The following NYAP2 variants were observed in gnomAD, a reference collection of about 807,000 sequenced individuals.
The protein encoded by NYAP2 is neuronal tyrosine-phosphorylated phosphoinositide-3-kinase adaptor 2, also known as neuronal tyrosine-phosphorylated phosphoinositide-3-kinase adapter 2.
A neutral mutation model predicts 50.4 loss-of-function variants in NYAP2; 23 were observed. That is an observed-to-expected ratio of 0.46 (90% CI 0.33 to 0.65). The LOEUF is 0.65. Among genes scored for constraint, NYAP2 ranks in the 30% least tolerant of loss-of-function variants. NYAP2 has a pLI of 0.02. For missense variants in NYAP2, 885 were observed against 861.0 expected, an observed-to-expected ratio of 1.03 and a Z score of -0.35; for synonymous variants, 394 against 365.2, an observed-to-expected ratio of 1.08 and a Z score of -0.90.
At chr2:225,688,915 G>C in the NYAP2 span, among the ~76,000 whole-genome samples, 1 of 152,010 alleles carries the variant, frequency 6.6e-6, no homozygotes, top group African/African-American at 2.4e-5. Flanking sequence ...GCTAATTTTT[G>C]TATTTTTAGC....
chr2:225,637,451 G>A (rs574840559), intron 6 of NYAP2, among the ~76,000 whole-genome samples: 15 of 152,188 alleles, frequency 9.9e-5, no homozygotes, highest in Non-Finnish European at 2.2e-4. Context: ...TGTGCAGTCA[G>A]ATCATGCATC....
intron 3 of NYAP2, among the ~76,000 whole-genome samples, chr2:225,504,118 C>T (rs941181930): frequency 6.6e-6 from 1 of 152,102 alleles, no homozygotes; most frequent in African/African-American, 2.4e-5. Context: ...AGCCTCCTGT[C>T]ATAGTACACT....
At chr2:225,664,684 C>T in the NYAP2 span, among the ~76,000 whole-genome samples, 6 of 151,544 alleles carry the variant, frequency 4.0e-5, no homozygotes, top group South Asian at 2.1e-4. Flanking sequence ...ATCATCCTGG[C>T]GAACATGGTG....
chr2:225,442,090 A>G (rs1456217334), intron 3 of NYAP2, among the ~76,000 whole-genome samples: 1 of 152,224 alleles, frequency 6.6e-6, no homozygotes, highest in Non-Finnish European at 1.5e-5. Context: ...TATTATATTA[A>G]CATTCAATTT....
chr2:225,609,203 TATA>T (rs1214454158), intron 5 of NYAP2, among the ~76,000 whole-genome samples: 1 of 152,088 alleles, frequency 6.6e-6, no homozygotes, highest in Non-Finnish European at 1.5e-5. Context: ...TTATAGGTAT[TATA>T]ATACTTGTAA....
At chr2:225,618,615 T>G (rs1358389969) in intron 5 of NYAP2, among the ~76,000 whole-genome samples, 3 of 152,170 alleles carry the variant, frequency 2.0e-5, no homozygotes, top group African/African-American at 7.2e-5. Flanking sequence ...CAGTTCATCA[T>G]TTTGCTTTGG....
chr2:225,554,566 C>T lies in NYAP2; in HGVS notation c.524-27375C>T, dbSNP rs1457546528. 2.6e-5 allele frequency among the ~76,000 whole-genome samples: 4 copies of T among 151,988 alleles called. No homozygotes were observed. In the East Asian group the frequency reaches 5.8e-4, roughly 22 times the overall value. On this transcript the variant is annotated intron_variant, in intron 4 of 6. Coordinates refer to ENST00000636099, the Ensembl canonical transcript of NYAP2. ...CTTGATCTCCTGACCTCATGATCTG[C>T]CTGTCTCAGCCTCCCAAAGTGCTGG...
chr2:225,680,564 A>G, the NYAP2 span, among the ~76,000 whole-genome samples: 1 of 152,198 alleles, frequency 6.6e-6, no homozygotes, highest in South Asian at 2.1e-4. Context: ...TGCAACTTAT[A>G]TAACTTTATT....
At chr2:225,477,187 T>G (rs1228205637) in intron 3 of NYAP2, among the ~76,000 whole-genome samples, 1 of 151,460 alleles carries the variant, frequency 6.6e-6, no homozygotes, top group African/African-American at 2.4e-5. Flanking sequence ...GGGCATCTTG[T>G]TAAAAGGCAG....
intron 3 of NYAP2, among the ~76,000 whole-genome samples, chr2:225,460,205 G>T (rs1689806349): frequency 6.6e-6 from 1 of 152,044 alleles, no homozygotes; most frequent in African/African-American, 2.4e-5. Flanking sequence ...ATTTCAAGAG[G>T]CTACCAGTCC....
At chr2:225,462,786 T>G (rs994838367) in intron 3 of NYAP2, among the ~76,000 whole-genome samples, 7 of 147,248 alleles carry the variant, frequency 4.8e-5, no homozygotes, top group African/African-American at 1.9e-4. Context: ...TAGCTTCAGT[T>G]GGTCCATTAA....
At chr2:225,606,480 G>T (rs959437) in intron 5 of NYAP2, among the ~76,000 whole-genome samples, 77,675 of 151,970 alleles carry the variant, frequency 0.51, 20,430 homozygotes, top group South Asian at 0.67. Flanking sequence ...ACTCAGTGTT[G>T]AGGATACATA....
intron 3 of NYAP2, among the ~76,000 whole-genome samples, chr2:225,414,597 G>A (rs1695093837): frequency 6.6e-6 from 1 of 152,106 alleles, no homozygotes; most frequent in Non-Finnish European, 1.5e-5. Flanking sequence ...ACCAGCCAAT[G>A]AGAAGAAGGC....
chr2:225,469,313 G>A (rs766721045), intron 3 of NYAP2, among the ~76,000 whole-genome samples: 2 of 152,208 alleles, frequency 1.3e-5, no homozygotes, highest in Non-Finnish European at 2.9e-5. Context: ...ACCACAATGA[G>A]ATACCATCTC....
At chr2:225,423,739 C>T (rs1695248685) in intron 3 of NYAP2, among the ~76,000 whole-genome samples, 2 of 152,118 alleles carry the variant, frequency 1.3e-5, no homozygotes, top group East Asian at 1.9e-4. Flanking sequence ...CAACCTGATA[C>T]AGCACAATAA....
At chr2:225,596,519 C>T (rs35919107) in intron 5 of NYAP2, among the ~76,000 whole-genome samples, 30,649 of 152,050 alleles carry the variant, frequency 0.2, 3,630 homozygotes, top group Non-Finnish European at 0.27. Context: ...AGGGCAGGGA[C>T]AGTTTATATT....
chr2:225,404,791 C>T (rs961347353), intron 2 of NYAP2, among the ~76,000 whole-genome samples: 5 of 151,876 alleles, frequency 3.3e-5, no homozygotes, highest in African/African-American at 4.8e-5. Flanking sequence ...ATTCTAGATA[C>T]AGTAATCTAA....
At chr2:225,563,559 G>A (rs1045985108) in intron 4 of NYAP2, among the ~76,000 whole-genome samples, 4 of 152,050 alleles carry the variant, frequency 2.6e-5, no homozygotes, top group Non-Finnish European at 5.9e-5. Context: ...GAGGGGTAAA[G>A]GAATGGGTTC....
intron 4 of NYAP2, among the ~76,000 whole-genome samples, chr2:225,539,554 G>T (rs1309477277): frequency 6.6e-6 from 1 of 152,120 alleles, no homozygotes; most frequent in Non-Finnish European, 1.5e-5. Flanking sequence ...GGTGTGAGAT[G>T]GTATCTCATT....
Sources: gnomAD v4.1 joint callset for allele counts (sites outside exome capture counted in the v4.1 genomes callset) on GRCh38, gnomAD v4.1.1 for gene constraint, MANE v1.5 for transcripts, NCBI Gene and HGNC (gene_info 2026-07-23, HGNC 2026-07-21) for gene names.